Variants in RBM25 observed in about 807,000 individuals in gnomAD.
The protein encoded by RBM25 is RNA-binding protein 25.
In RBM25, 19 loss-of-function variants were observed where a neutral mutation model predicts 120.7. The ratio of observed to expected loss-of-function variants is 0.16; its 90% CI spans 0.11 to 0.23. RBM25 has a LOEUF of 0.23. Ranked by LOEUF, RBM25 falls within the 10% of genes least tolerant of loss-of-function variation. The probability of loss-of-function intolerance (pLI) is 1.00; values close to 1 mark genes in which losing one functional copy is unlikely to be tolerated. For missense variants in RBM25, 605 were observed against 1,041.5 expected, an observed-to-expected ratio of 0.58 and a Z score of 5.77; for synonymous variants, 390 against 326.7, an observed-to-expected ratio of 1.19 and a Z score of -2.09.
rs561016976 is a variant in RBM25 at position 73,117,539 on chromosome 14, G to A, written c.2440-2174G>A. Among the ~76,000 whole-genome samples, 4 of 151,890 alleles carry A rather than the reference G, an allele frequency of 2.6e-5. No individual in the cohort carries two copies. In the South Asian group the frequency reaches 8.3e-4, roughly 32 times the overall value. ...AGCCACTGTGCCCAGTCTCTTCCCA[G>A]GTATTTATTAAGCACTTGTTATATA... On this transcript the variant is annotated intron_variant, in intron 18 of 18. Transcript: ENST00000261973.
chr14:73,100,113 C>A (rs1896028999), intron 9 of RBM25: 1 of 468,722 alleles, frequency 2.1e-6, no homozygotes, highest in South Asian at 4.4e-5. Flanking sequence ...TTAACTTGAT[C>A]TTAGGAATAC....
chr14:73,108,442 G>T (rs767751033), intron 13 of RBM25, among the ~76,000 whole-genome samples: 2 of 152,126 alleles, frequency 1.3e-5, no homozygotes, highest in African/African-American at 4.8e-5. Context: ...TTGACCTCCC[G>T]TCTCTCACCC....
intron 6 of RBM25, among the ~76,000 whole-genome samples, chr14:73,095,179 A>G (rs145729171): frequency 3.3e-5 from 5 of 152,204 alleles, no homozygotes; most frequent in African/African-American, 9.6e-5. Context: ...AATAACATGT[A>G]ATGCCTTATA....
intron 15 of RBM25, 35 bp downstream of exon 15, chr14:73,111,190 C>T (rs748861679): frequency 1.3e-6 from 2 of 1,516,088 alleles, no homozygotes; most frequent in Admixed American, 1.8e-5. Context: ...TTATTTTCTT[C>T]CCTTCACCCC....
At chr14:73,097,206 T>TTTC (rs1566594591) in intron 7 of RBM25, 106 bp downstream of exon 7, 1 of 759,274 alleles carries the variant, frequency 1.3e-6, no homozygotes, top group East Asian at 3.6e-5. Flanking sequence ...CTTTTTTTTT[T>TTTC]TTTTTTTTTT....
chr14:73,087,191 T>C (rs2140440152), intron 5 of RBM25, among the ~76,000 whole-genome samples: 1 of 152,352 alleles, frequency 6.6e-6, no homozygotes, highest in African/African-American at 2.4e-5. Context: ...TTTTAATATT[T>C]CTGTTAAAGT....
chr14:73,108,229 G>A (rs1307348009), intron 13 of RBM25, among the ~76,000 whole-genome samples: 3 of 152,002 alleles, frequency 2.0e-5, no homozygotes, highest in Non-Finnish European at 4.4e-5. Context: ...GTCTTACCTC[G>A]GCTGGAATGC....
Position 73,121,673 on chromosome 14 carries a change from G to T in RBM25, c.*1868G>T, listed in dbSNP as rs1446418532. On this transcript the variant is annotated 3_prime_UTR_variant, in exon 19 of 19. Transcript: ENST00000261973. ...TCTTAACATACTGCACTGTTCTTAA[G>T]CATCATATTGTGTTGTTTTTATTTA... is the stretch of plus-strand genomic sequence containing the variant. 1 of 152,084 alleles carries T rather than the reference G, an allele frequency of 6.6e-6. No individual in the cohort carries two copies. Among genetic ancestry groups the T allele is most frequent in the African/African-American group, 2.4e-5 (1 of 41,394 alleles). 9.4% of individuals were successfully genotyped at this position (152,084 alleles called of 1,614,324 possible).
At chr14:73,094,621 C>T (rs143596747) in intron 6 of RBM25, among the ~76,000 whole-genome samples, 11,505 of 151,834 alleles carry the variant, frequency 0.076, 444 homozygotes, top group Non-Finnish European at 0.09. Context: ...TTAGTAGAGA[C>T]GGGGTTTCAC....
At chr14:73,111,945 A>G (rs939744585) in intron 16 of RBM25, 143 bp downstream of exon 16, 69 of 1,196,140 alleles carry the variant, frequency 5.8e-5, no homozygotes, top group Non-Finnish European at 6.6e-5. Flanking sequence ...ACTCAATGCC[A>G]TGGTCAAGAA....
At chr14:73,110,324 C>G (rs1362157894) in intron 14 of RBM25, among the ~76,000 whole-genome samples, 1 of 152,082 alleles carries the variant, frequency 6.6e-6, no homozygotes, top group Non-Finnish European at 1.5e-5. Context: ...GGGACACTTA[C>G]AGGCATGAGC....
At position 73,123,553 on chromosome 14, in the gene RBM25, A is replaced by G. The variant is rs1201950250; in HGVS notation, c.*3748A>G. The G allele has an allele frequency of 2.0e-5, 3 of 152,242 alleles. No individual in the cohort carries two copies. The highest frequency in any genetic ancestry group is 1.9e-4 in the East Asian group (1 of 5,202). The allele number at this position is 152,242 out of a possible 1,614,324, so 9.4% of individuals were successfully genotyped here. ...TAAAAGGGTATGAGAAGGAATCCCA[A>G]GCAGGCAAAGAAACAGTCTAGCTGT... On this transcript the variant is annotated 3_prime_UTR_variant, in exon 19 of 19. Transcript: ENST00000261973.
At chr14:73,116,188 G>C (rs1374277873) in intron 18 of RBM25, among the ~76,000 whole-genome samples, 1 of 152,108 alleles carries the variant, frequency 6.6e-6, no homozygotes, top group African/African-American at 2.4e-5. Flanking sequence ...AGATAGAGGA[G>C]GGTTTCTGTT....
intron 13 of RBM25, among the ~76,000 whole-genome samples, chr14:73,108,360 A>AT (rs1357189410): frequency 6.6e-6 from 1 of 152,152 alleles, no homozygotes; most frequent in Non-Finnish European, 1.5e-5. Context: ...GCTAGGTCCA[A>AT]TTTTTATAGC....
chr14:73,096,828 C>A, intron 6 of RBM25, 87 bp from the exon 7 acceptor site: 2 of 1,162,238 alleles, frequency 1.7e-6, no homozygotes, highest in Non-Finnish European at 2.5e-6. Context: ...TTTGAGAAAA[C>A]ATGTATGTTT....
chr14:73,071,670 C>T lies in RBM25; in HGVS notation c.29C>T (p.Pro10Leu). 2 of 1,613,988 alleles carry T rather than the reference C, an allele frequency of 1.2e-6. No individual in the cohort carries two copies. The highest frequency in any genetic ancestry group is 1.7e-6 in the Non-Finnish European group (2 of 1,179,920). The change falls in exon 2 of 19, where the codon CCT becomes CTT. Residue 10 changes from proline (P) to leucine (L), a missense_variant. Physicochemically the swap from Pro to Leu is moderately conservative, Grantham distance 98. Transcript: ENST00000261973. ...TCTTTTCCACCTCATTTGAATCGCC[C>T]TCCCATGGGAATCCCAGCACTCCCA... MSFPPHLNR[P>L]PMGIPALPPG...
chr14:73,112,615 G>A (rs1404075373), intron 17 of RBM25, among the ~76,000 whole-genome samples: 1 of 152,002 alleles, frequency 6.6e-6, no homozygotes, highest in Non-Finnish European at 1.5e-5. Context: ...GAATAATTAT[G>A]TTGAGATTTT....
rs745316418 is a variant in RBM25, at chr14:73,111,173, T to C, written c.2017+18T>C. The C allele has an allele frequency of 3.8e-6, 6 of 1,567,708 alleles. No homozygotes were observed. The South Asian group carries it at 5.6e-5, about 15-fold the overall frequency. On this transcript the variant is annotated intron_variant, in intron 15 of 18. Transcript: ENST00000261973. ...TAAACTGGGTACGTTAGCATTTCCT[T>C]CCTTCTTTATTTTCTTCCCTTCACC...
chr14:73,080,414 A>G (rs1895532873), intron 4 of RBM25, among the ~76,000 whole-genome samples: 1 of 151,540 alleles, frequency 6.6e-6, no homozygotes, highest in Non-Finnish European at 1.5e-5. Context: ...TAGTAGAGAC[A>G]AGGTTTCACC....
Sources: allele counts gnomAD v4.1 joint callset (sites outside exome capture counted in the v4.1 genomes callset), GRCh38; gene constraint gnomAD v4.1.1; transcripts MANE v1.5; gene names NCBI Gene and HGNC (gene_info 2026-07-23, HGNC 2026-07-21).